The following CACNA2D2 variants were observed in gnomAD, a reference collection of about 807,000 sequenced individuals.
CACNA2D2 encodes the protein voltage-dependent calcium channel subunit alpha-2/delta-2.
In CACNA2D2, 48 loss-of-function variants were observed where a neutral mutation model predicts 166.4. The ratio of observed to expected loss-of-function variants is 0.29; its 90% confidence interval spans 0.23 to 0.37. CACNA2D2 has a LOEUF of 0.37. Ranked by LOEUF, CACNA2D2 falls within the 10% of genes least tolerant of loss-of-function variation. The pLI is 1.00. For missense variants in CACNA2D2, 1,122 were observed against 1,433.0 expected (o/e 0.78, Z 3.50); for synonymous variants, 561 against 573.7 (o/e 0.98, Z 0.32).
At chr3:50,477,298 C>T (rs1435977451) in intron 1 of CACNA2D2, among the ~76,000 whole-genome samples, 2 of 152,176 alleles carry the variant, frequency 1.3e-5, no homozygotes, top group African/African-American at 4.8e-5. Flanking sequence ...AATTTGGGGC[C>T]ACCTTTCAGG....
intron 2 of CACNA2D2, among the ~76,000 whole-genome samples, chr3:50,468,469 T>C (rs1312369194): frequency 7.1e-6 from 1 of 140,912 alleles, no homozygotes; most frequent in Admixed American, 7.2e-5. Context: ...CAGACAAACC[T>C]TGCTGATCCC....
intron 1 of CACNA2D2, among the ~76,000 whole-genome samples, chr3:50,482,469 T>C (rs1698093872): frequency 6.6e-6 from 1 of 152,178 alleles, no homozygotes; most frequent in Non-Finnish European, 1.5e-5. Flanking sequence ...TTTCCACATT[T>C]GGAAAATGGA....
intron 3 of CACNA2D2, among the ~76,000 whole-genome samples, chr3:50,413,567 C>T (rs544425551): frequency 6.6e-6 from 1 of 152,264 alleles, no homozygotes; most frequent in Non-Finnish European, 1.5e-5. Context: ...CCTAGGCTGG[C>T]TGAGCATGGT....
At chr3:50,449,594 C>T (rs574892076) in intron 2 of CACNA2D2, among the ~76,000 whole-genome samples, 45 of 152,254 alleles carry the variant, frequency 3.0e-4, no homozygotes, top group Non-Finnish European at 4.9e-4. Context: ...CCTCAGAAGC[C>T]ATACAAAAAC....
At chr3:50,430,917 T>C (rs531710181) in intron 3 of CACNA2D2, among the ~76,000 whole-genome samples, 3 of 152,260 alleles carry the variant, frequency 2.0e-5, no homozygotes, top group East Asian at 1.9e-4. Context: ...GTTGCTTGCA[T>C]TGCAAGGCCC....
rs1303270128 is a variant in CACNA2D2, at chr3:50,365,145, G to A, written c.3138C>T (p.Leu1046=). Residue 1046 remains leucine (L), a synonymous_variant, in exon 36 of 38, where the codon CTC becomes CTT. Coordinates refer to ENST00000424201, the MANE Select transcript of CACNA2D2 (RefSeq NM_006030.4). This position sits in a 1 kb window ranked among gnomAD's most constrained non-coding sequence, Gnocchi z 4.5. ...HAQRLTNTNL[L]FVVAEKPLCS... ...ACAGCGGCTTCTCGGCCACCACAAA[G>A]AGAAGATTGGTGTTGGTCAGTCTCT... The A allele has an allele frequency of 1.2e-6, 2 of 1,612,184 alleles. No individual in the cohort carries two copies. Among genetic ancestry groups the A allele is most frequent in the East Asian group, 2.2e-5 (1 of 44,858 alleles).
chr3:50,413,412 T>C (rs558192736), intron 3 of CACNA2D2, among the ~76,000 whole-genome samples: 3 of 152,282 alleles, frequency 2.0e-5, no homozygotes, highest in Admixed American at 6.5e-5. Flanking sequence ...CCCTCAGCCC[T>C]GGGTCAGAGA....
intron 1 of CACNA2D2, among the ~76,000 whole-genome samples, chr3:50,500,729 G>T (rs965168353): frequency 3.3e-5 from 5 of 151,782 alleles, no homozygotes; most frequent in Non-Finnish European, 7.4e-5. Context: ...CCAGGTCCAG[G>T]TAAGGTGAGA....
rs1323942102 is a variant in CACNA2D2 at position 50,379,613 on chromosome 3, AG to A, written c.994-24del. ...GAACTGCAGGAACAGTAGGGTGGTG[AG>A]TGGCCTCAGGCTGGCCGGGGTAGGC... is the stretch of plus-strand genomic sequence containing the variant. On this transcript the variant is annotated intron_variant, in intron 10 of 37. Coordinates refer to ENST00000424201, the MANE Select transcript of CACNA2D2 (RefSeq NM_006030.4). This position sits in a 1 kb window ranked among gnomAD's most constrained non-coding sequence, Gnocchi z 6.5. 1.9e-6 allele frequency: 3 copies of A among 1,613,258 alleles called. No individual in the cohort carries two copies. The highest frequency in any genetic ancestry group is 2.5e-6 in the Non-Finnish European group (3 of 1,179,582).
In CACNA2D2 at chr3:50,365,189, G is replaced by A. The variant is rs1319159979; in HGVS notation, c.3099-5C>T. The A allele has an allele frequency of 1.4e-5, 22 of 1,611,664 alleles. No homozygotes were observed. Among genetic ancestry groups the A allele is most frequent in the Non-Finnish European group, 1.7e-5 (20 of 1,179,474 alleles). ...AGTCTCTGCGCGTGGAACAGCCTGCGGGCAGCCCGGAAAGGCGGGGCGTTG... is the reference window on the plus strand; with the variant it reads ...AGTCTCTGCGCGTGGAACAGCCTGCAGGCAGCCCGGAAAGGCGGGGCGTTG... On this transcript the variant is annotated splice_region_variant and splice_polypyrimidine_tract_variant and intron_variant, in intron 35 of 37. Coordinates refer to ENST00000424201, the MANE Select transcript of CACNA2D2 (RefSeq NM_006030.4). This position sits in a 1 kb window ranked among gnomAD's most constrained non-coding sequence, Gnocchi z 4.5.
chr3:50,457,959 C>T (rs1332765846), intron 2 of CACNA2D2, among the ~76,000 whole-genome samples: 1 of 152,148 alleles, frequency 6.6e-6, no homozygotes, highest in African/African-American at 2.4e-5. Context: ...CACTCAGAAC[C>T]AGCTAAGTCT....
At position 50,379,871 on chromosome 3, in the gene CACNA2D2, G is replaced by C; in HGVS notation, c.894-47C>G. The stretch of plus-strand genomic sequence containing the variant: ...CGTGGAGGAGCCAGGGGAACCTCAC[G>C]TGTTCTCCTGCCCATCCCCCAAGAT... On this transcript the variant is annotated intron_variant, in intron 9 of 37. Coordinates refer to ENST00000424201, the MANE Select transcript of CACNA2D2 (RefSeq NM_006030.4). The surrounding 1 kb of genome is among the most constrained non-coding windows in gnomAD (Gnocchi z 6.5). The C allele has an allele frequency of 1.2e-6, 2 of 1,608,786 alleles. No homozygotes were observed. The highest frequency in any genetic ancestry group is 2.2e-5 in the East Asian group (1 of 44,850).
At chr3:50,455,619 G>A (rs937723582) in intron 2 of CACNA2D2, among the ~76,000 whole-genome samples, 3 of 152,092 alleles carry the variant, frequency 2.0e-5, no homozygotes, top group Admixed American at 6.5e-5. Flanking sequence ...GCAGGCCAGG[G>A]CCACACGGCT....
At chr3:50,477,150 C>T (rs1697820422) in intron 1 of CACNA2D2, among the ~76,000 whole-genome samples, 3 of 151,938 alleles carry the variant, frequency 2.0e-5, no homozygotes, top group East Asian at 1.9e-4. Context: ...AGGATGGTCT[C>T]GATCTCCTGA....
At position 50,487,065 on chromosome 3, in the gene CACNA2D2, G is replaced by A. The variant is rs564998775; in HGVS notation, c.207-10866C>T. 5.3e-5 allele frequency among the ~76,000 whole-genome samples: 8 copies of A among 152,306 alleles called. No individual in the cohort carries two copies. The East Asian group carries it at 1.4e-3, about 26-fold the overall frequency. The stretch of plus-strand genomic sequence containing the variant: ...GCAGGCCAGTTCATGCCCACTTCAC[G>A]GATGAGCACTCTGAGGCCTGTGGAA... On this transcript the variant is annotated intron_variant, in intron 1 of 37. Coordinates refer to ENST00000424201, the MANE Select transcript of CACNA2D2 (RefSeq NM_006030.4).
chr3:50,399,630 T>C (rs1706345094), intron 3 of CACNA2D2, among the ~76,000 whole-genome samples: 1 of 152,128 alleles, frequency 6.6e-6, no homozygotes, highest in Non-Finnish European at 1.5e-5. Context: ...AGAAGTAGAT[T>C]CTCCTGCTCC....
intron 6 of CACNA2D2, among the ~76,000 whole-genome samples, chr3:50,382,852 T>C (rs1705393779): frequency 6.6e-6 from 1 of 152,132 alleles, no homozygotes; most frequent in South Asian, 2.1e-4. Context: ...CTGCTCTGCG[T>C]GGGCTGTCCA....
intron 1 of CACNA2D2, among the ~76,000 whole-genome samples, chr3:50,484,789 T>A (rs994309697): frequency 1.3e-5 from 2 of 152,248 alleles, no homozygotes; most frequent in African/African-American, 4.8e-5. Flanking sequence ...GCCAGGAGGC[T>A]CCTGCTCTCC....
At position 50,375,741 on chromosome 3, in the gene CACNA2D2, C is replaced by T. The variant is rs759029881; in HGVS notation, c.1846-36G>A. On this transcript the variant is annotated intron_variant, in intron 20 of 37. Coordinates refer to ENST00000424201, the MANE Select transcript of CACNA2D2 (RefSeq NM_006030.4). The surrounding 1 kb of genome is among the most constrained non-coding windows in gnomAD (Gnocchi z 4.0). ...AGGCTGGGTCAGGTACTTGGGCTAG[C>T]AGGCAGGGGGCGCTGGGGTAGAAGG... The T allele has an allele frequency of 6.2e-7, 1 of 1,612,872 alleles. No homozygotes were observed. The highest frequency in any genetic ancestry group is 8.5e-7 in the Non-Finnish European group (1 of 1,179,892).
Sources: gnomAD v4.1 joint callset for allele counts (sites outside exome capture counted in the v4.1 genomes callset) on GRCh38, gnomAD v4.1.1 for gene constraint, Gnocchi (gnomAD v3.1) non-coding constraint, MANE v1.5 for transcripts, NCBI Gene and HGNC (gene_info 2026-07-23, HGNC 2026-07-21) for gene names.